The following CACUL1 variants were observed in gnomAD, a reference collection of about 807,000 sequenced individuals.
The protein encoded by CACUL1 is CDK2-associated and cullin domain-containing protein 1.
CACUL1 carries 13 observed loss-of-function variants against 45.2 expected under a neutral mutation model. The observed-to-expected ratio is 0.29, with a 90% confidence interval of 0.19 to 0.46. CACUL1 has a LOEUF of 0.46. CACUL1 is among the 20% of genes least tolerant of loss of function. The pLI is 1.00. For missense variants in CACUL1, 421 were observed against 471.4 expected, an observed-to-expected ratio of 0.89 and a Z score of 0.99; for synonymous variants, 197 against 174.2, an observed-to-expected ratio of 1.13 and a Z score of -1.03.
intron 7 of CACUL1, 149 bp from the exon 8 acceptor site, chr10:118,686,790 T>C (rs1174324243): frequency 4.7e-6 from 3 of 641,004 alleles, no homozygotes; most frequent in African/African-American, 1.8e-5. Context: ...AGAATCCTGA[T>C]GTACCTCACT....
In CACUL1 at chr10:118,726,019, A is replaced by C. The variant is rs565049764; in HGVS notation, c.597+3276T>G. 2.6e-5 allele frequency among the ~76,000 whole-genome samples: 4 copies of C among 152,366 alleles called. No individual in the cohort carries two copies. In the South Asian group the frequency reaches 8.3e-4, roughly 32 times the overall value. On this transcript the variant is annotated intron_variant, in intron 3 of 8. Coordinates refer to ENST00000369151, the MANE Select transcript of CACUL1 (RefSeq NM_153810.5). ...CCCTGTAGGTCCAAATCATTGATTTATCAACTCCAGCACTAAATTTCTGAT... is the reference window on the plus strand; with the variant it reads ...CCCTGTAGGTCCAAATCATTGATTTCTCAACTCCAGCACTAAATTTCTGAT...
intron 1 of CACUL1, among the ~76,000 whole-genome samples, chr10:118,746,590 T>C (rs1031923106): frequency 7.2e-5 from 11 of 151,952 alleles, no homozygotes; most frequent in African/African-American, 2.4e-4. Flanking sequence ...GAAGAAAAAA[T>C]TGACAGTTTA....
chr10:118,680,717 C>T lies in CACUL1; in HGVS notation c.*5411G>A, dbSNP rs1845145114. 6.6e-6 allele frequency: 1 copy of T among 152,108 alleles called. No homozygotes were observed. 9.4% of individuals were successfully genotyped at this position (152,108 alleles called of 1,614,324 possible). A position where few individuals can be genotyped will look rare whatever the true frequency, so the allele number is the denominator to read the frequency against. ...AAATATACTGATATCCGTATCCATA[C>T]TATATATGAATATAGAATAGATATG... On this transcript the variant is annotated 3_prime_UTR_variant, in exon 9 of 9. Transcript: ENST00000369151.
intron 8 of CACUL1, 28 bp downstream of exon 8, chr10:118,686,570 C>G: frequency 6.3e-7 from 1 of 1,574,916 alleles, no homozygotes; most frequent in East Asian, 2.2e-5. Flanking sequence ...ACAGAACCAT[C>G]AAGATGGGAA....
intron 1 of CACUL1, among the ~76,000 whole-genome samples, chr10:118,750,352 GAC>G (rs1272948653): frequency 6.6e-6 from 1 of 151,988 alleles, no homozygotes; most frequent in African/African-American, 2.4e-5. Flanking sequence ...TGATAATTAT[GAC>G]ATTCTTATTT....
intron 4 of CACUL1, among the ~76,000 whole-genome samples, chr10:118,704,676 C>CT (rs1279089208): frequency 6.6e-6 from 1 of 152,134 alleles, no homozygotes; most frequent in African/African-American, 2.4e-5. Flanking sequence ...TTGCTTTAAC[C>CT]TTTTTTGTAT....
chr10:118,692,258 T>C (rs1845278808), intron 6 of CACUL1: 1 of 151,550 alleles, frequency 6.6e-6, no homozygotes, highest in East Asian at 1.9e-4. Flanking sequence ...CAAATATATA[T>C]AAACAACAGT....
chr10:118,735,657 G>A (rs1845733904), intron 1 of CACUL1, among the ~76,000 whole-genome samples: 1 of 152,124 alleles, frequency 6.6e-6, no homozygotes, highest in Admixed American at 6.5e-5. Context: ...CAACACCTTG[G>A]AGAGTCAAAT....
At position 118,754,953 on chromosome 10, in the gene CACUL1, T is replaced by G. The variant is rs1589623878; in HGVS notation, c.-191A>C. 2.9e-6 allele frequency: 2 copies of G among 684,462 alleles called. No homozygotes were observed. Among genetic ancestry groups the G allele is most frequent in the Non-Finnish European group, 4.5e-6 (2 of 447,950 alleles). The allele number at this position is 684,462 out of a possible 1,614,324, so 42.4% of individuals were successfully genotyped here. A position where few individuals can be genotyped will look rare whatever the true frequency, so the allele number is the denominator to read the frequency against. ...AGCTTGAAGACGCGGCTGACGGCGG[T>G]GGGCGCTCCGGGGCTCTAGTCTGGG... On this transcript the variant is annotated 5_prime_UTR_variant, in exon 1 of 9. Transcript: ENST00000369151.
At position 118,676,845 on chromosome 10, in the gene CACUL1, C is replaced by T. The variant is rs1279940720; in HGVS notation, c.*9283G>A. On this transcript the variant is annotated 3_prime_UTR_variant, in exon 9 of 9. Transcript: ENST00000369151. ...TAAAATATATATGTCTATGTACACA[C>T]ACACACACACACACACACACACACA... The T allele has an allele frequency of 2.1e-5, 1 of 48,426 alleles. No individual in the cohort carries two copies. The highest frequency in any genetic ancestry group is 4.4e-5 in the Non-Finnish European group (1 of 22,766). The allele number at this position is 48,426 out of a possible 1,614,324, so 3.0% of individuals were successfully genotyped here. A position where few individuals can be genotyped will look rare whatever the true frequency, so the allele number is the denominator to read the frequency against.
intron 3 of CACUL1, among the ~76,000 whole-genome samples, chr10:118,707,932 G>A (rs1342478837): frequency 2.8e-4 from 42 of 152,078 alleles, no homozygotes. Flanking sequence ...TGGATCACTT[G>A]AGGTCAGGAG....
intron 3 of CACUL1, among the ~76,000 whole-genome samples, chr10:118,709,617 T>C (rs1179460595): frequency 6.6e-6 from 1 of 152,210 alleles, no homozygotes; most frequent in Non-Finnish European, 1.5e-5. Flanking sequence ...CAATCATATC[T>C]TACACATAAA....
chr10:118,704,546 C>T (rs891633986), intron 4 of CACUL1, among the ~76,000 whole-genome samples: 1 of 152,242 alleles, frequency 6.6e-6, no homozygotes, highest in African/African-American at 2.4e-5. Flanking sequence ...GGACTGAGAA[C>T]TTGTCTTCCC....
intron 3 of CACUL1, among the ~76,000 whole-genome samples, chr10:118,715,011 T>C (rs1348842187): frequency 1.3e-5 from 2 of 152,240 alleles, no homozygotes; most frequent in Non-Finnish European, 2.9e-5. Flanking sequence ...AGAGGTCATA[T>C]TGATAGCTTC....
intron 1 of CACUL1, among the ~76,000 whole-genome samples, chr10:118,738,915 A>AC: frequency 6.8e-6 from 1 of 147,622 alleles, no homozygotes; most frequent in East Asian, 2.0e-4. Context: ...AAAAAAAAAA[A>AC]GCCTGGGCGC....
chr10:118,746,107 G>A lies in CACUL1; in HGVS notation c.367+8289C>T, dbSNP rs796691152. On this transcript the variant is annotated intron_variant, in intron 1 of 8. Transcript: ENST00000369151. Reference sequence around the variant, plus strand: ...GCAGAGCTTGCAGTGAGCTGAGATCGCACCACTGCACTCCAGCCTGGGCAA... The same window carrying A: ...GCAGAGCTTGCAGTGAGCTGAGATCACACCACTGCACTCCAGCCTGGGCAA... 1.3e-4 allele frequency among the ~76,000 whole-genome samples: 19 copies of A among 145,710 alleles called. No homozygotes were observed. In the East Asian group the frequency reaches 1.4e-3, roughly 11 times the overall value.
intron 3 of CACUL1, among the ~76,000 whole-genome samples, chr10:118,715,406 A>T (rs531834715): frequency 1.3e-5 from 2 of 152,170 alleles, no homozygotes; most frequent in Non-Finnish European, 2.9e-5. Flanking sequence ...TTAGAAGAGG[A>T]TTATTTGTTT....
At chr10:118,752,277 G>T (rs1053443221) in intron 1 of CACUL1, among the ~76,000 whole-genome samples, 1 of 151,996 alleles carries the variant, frequency 6.6e-6, no homozygotes, top group Non-Finnish European at 1.5e-5. Flanking sequence ...TCTCCATTAA[G>T]TATTATTATT....
At chr10:118,690,082 T>C (rs1371854529) in intron 7 of CACUL1, among the ~76,000 whole-genome samples, 8 of 152,124 alleles carry the variant, frequency 5.3e-5, no homozygotes, top group African/African-American at 4.8e-5. Context: ...AGTGTATCAC[T>C]TGAGGTCAGG....
Sources: allele counts gnomAD v4.1 joint callset (sites outside exome capture counted in the v4.1 genomes callset), GRCh38; gene constraint gnomAD v4.1.1; transcripts MANE v1.5; gene names NCBI Gene and HGNC (gene_info 2026-07-23, HGNC 2026-07-21).